WDR90: variants seen among roughly 807,000 people sequenced by gnomAD.
WDR90 encodes WD repeat-containing protein 90.
A neutral mutation model predicts 195.2 loss-of-function variants in WDR90; 238 were observed. That is an observed-to-expected ratio of 1.22 (90% confidence interval 1.10 to 1.36). The LOEUF is 1.36. Ranked by LOEUF, WDR90 falls within the 40% of genes most tolerant of loss-of-function variation. The pLI is 0.00. For synonymous variants in WDR90, 1,265 were observed against 1,052.4 expected (o/e 1.20, Z -3.91); for missense variants, 2,734 against 2,439.5 (o/e 1.12, Z -2.54).
intron 34 of WDR90, among the ~76,000 whole-genome samples, chr16:663,889 G>A (rs1483775600): frequency 6.6e-6 from 1 of 152,200 alleles, no homozygotes; most frequent in African/African-American, 2.4e-5. Flanking sequence ...AGCAGCTGTG[G>A]CCATGGGCTT....
chr16:660,995 T>TCCCCCCCCCCCCCCCCCCCC, intron 28 of WDR90, 56 bp from the exon 29 acceptor site: 1 of 10,290 alleles, frequency 9.7e-5, no homozygotes, highest in Non-Finnish European at 1.5e-4. Flanking sequence ...CCCAGGCCCC[T>TCCCCCCCCCCCCCCCCCCCC]CCCCGCCCCC....
intron 1 of WDR90, 157 bp from the exon 2 acceptor site, chr16:649,606 G>A: frequency 1.8e-6 from 2 of 1,129,784 alleles, no homozygotes; most frequent in Non-Finnish European, 2.3e-6. Context: ...TCCCTCGGGC[G>A]CCCGGCCTCG....
chr16:658,358 C>T lies in WDR90; in HGVS notation c.2766+14C>T, dbSNP rs2037807401. On this transcript the variant is annotated intron_variant, in intron 22 of 40. Transcript: ENST00000293879. ...ATCATCCGGGAGGTGAGCCTCAGGG[C>T]TGTGGCCCGCCGACCTGGCCCTCCC... 6 of 1,610,204 alleles carry T rather than the reference C, an allele frequency of 3.7e-6. No homozygotes were observed. The South Asian group carries it at 4.4e-5, about 12-fold the overall frequency.
At chr16:653,699 G>C in intron 12 of WDR90, 29 bp downstream of exon 12, 1 of 1,613,172 alleles carries the variant, frequency 6.2e-7, no homozygotes, top group South Asian at 1.1e-5. Context: ...CATGCAGGGG[G>C]AGGGGGTCAG....
In WDR90 at chr16:653,631, G is replaced by C; in HGVS notation, c.1340G>C (p.Cys447Ser). 6.2e-7 allele frequency: 1 copy of C among 1,613,548 alleles called. No individual in the cohort carries two copies. The highest frequency in any genetic ancestry group is 8.5e-7 in the Non-Finnish European group (1 of 1,180,010). Residue 447 changes from cysteine (C) to serine (S), a missense_variant, in exon 12 of 41, where the codon TGC (cysteine) becomes TCC (serine). Physicochemically the swap from Cys to Ser is moderately radical, Grantham distance 112 (BLOSUM62 -1). Transcript: ENST00000293879. The part of the protein sequence containing the change: ...LWDFQTGRCL[C>S]LFRSPMHVVC... ...GACTTCCAGACCGGGCGGTGCTTGT[G>C]CCTGTTCCGGAGCCCAATGCACGTT...
At chr16:652,785 T>C (rs886510902) in intron 10 of WDR90, among the ~76,000 whole-genome samples, 2 of 152,202 alleles carry the variant, frequency 1.3e-5, no homozygotes, top group Non-Finnish European at 2.9e-5. Context: ...TCTTACTCAC[T>C]GGCTGGGCTA....
intron 23 of WDR90, 104 bp downstream of exon 23, chr16:658,757 G>A (rs1318752424): frequency 1.7e-5 from 26 of 1,555,014 alleles, no homozygotes; most frequent in Non-Finnish European, 1.9e-5. Context: ...CAGAAGGTGA[G>A]GGGTGAGAGT....
rs1470061373 is a variant in WDR90, at chr16:667,517, T to G, written c.5175T>G (p.Phe1725Leu). The G allele has an allele frequency of 1.9e-6, 3 of 1,612,526 alleles. No homozygotes were observed. Among genetic ancestry groups the G allele is most frequent in the Non-Finnish European group, 2.5e-6 (3 of 1,180,000 alleles). Residue 1725 changes from phenylalanine (F) to leucine (L), a missense_variant, in exon 41 of 41, where the codon TTT becomes TTG. By Grantham distance (22) the Phe-to-Leu change is conservative. Transcript: ENST00000293879. ...ACAACGCAGTGCACCTGTGCAGGTT[T>G]ACACCGTCCGCCAGGCTGCTCTTCA... ...GHDNAVHLCR[F>L]TPSARLLFTA...
intron 26 of WDR90, 91 bp from the exon 27 acceptor site, chr16:659,967 C>A: frequency 1.0e-6 from 1 of 999,128 alleles, no homozygotes; most frequent in Non-Finnish European, 1.5e-6. Flanking sequence ...GTGTGGTAGA[C>A]CAGGGGCTTG....
intron 10 of WDR90, among the ~76,000 whole-genome samples, 164 bp from the exon 11 acceptor site, chr16:653,177 G>A (rs1299783861): frequency 1.3e-5 from 2 of 152,154 alleles, no homozygotes; most frequent in African/African-American, 4.8e-5. Context: ...GTGTGTGCAG[G>A]GTGTGTGTTC....
Position 661,704 on chromosome 16 carries a change from G to C in WDR90, c.3781G>C (p.Asp1261His). ...PVHGVAFNPW[D>H]AGELTCVGQG... is the part of the protein sequence containing the mutation. The stretch of plus-strand genomic sequence containing the variant: ...GCATGGTGTGGCCTTCAACCCCTGG[G>C]ACGCCGGCGAGCTCACCTGTGTGGG... Residue 1261 changes from aspartate to histidine, a missense_variant, in exon 31 of 41, where the codon GAC (aspartate) becomes CAC (histidine). Coordinates refer to ENST00000293879, the MANE Select transcript of WDR90 (RefSeq NM_145294.5). 1 of 1,612,514 alleles carries C rather than the reference G, an allele frequency of 6.2e-7. No homozygotes were observed. The highest frequency in any genetic ancestry group is 8.5e-7 in the Non-Finnish European group (1 of 1,179,850).
chr16:656,301 G>A lies in WDR90; in HGVS notation c.1967-1G>A. ...GGCCCCTGACCCCACCCCACCCACAGAGCACGAGGGCCCCGTCAGCTCAGT... is the reference window on the plus strand; with the variant it reads ...GGCCCCTGACCCCACCCCACCCACAAAGCACGAGGGCCCCGTCAGCTCAGT... On this transcript the variant is annotated splice_acceptor_variant, in intron 17 of 40. Transcript: ENST00000293879. LOFTEE classifies it high-confidence loss of function. The A allele has an allele frequency of 2.7e-6, 4 of 1,463,016 alleles. No individual in the cohort carries two copies. Among genetic ancestry groups the A allele is most frequent in the African/African-American group, 1.4e-5 (1 of 71,636 alleles). 90.6% of individuals were successfully genotyped at this position (1,463,016 alleles called of 1,614,324 possible). A position where few individuals can be genotyped will look rare whatever the true frequency, so the allele number is the denominator to read the frequency against.
At position 660,682 on chromosome 16, in the gene WDR90, G is replaced by C; in HGVS notation, c.3359G>C (p.Gly1120Ala). 1 of 1,579,906 alleles carries C rather than the reference G, an allele frequency of 6.3e-7. No individual in the cohort carries two copies. Among genetic ancestry groups the C allele is most frequent in the East Asian group, 2.3e-5 (1 of 42,584 alleles). Residue 1120 changes from glycine to alanine, a missense_variant, in exon 28 of 41, where the codon GGG (glycine) becomes GCG (alanine). Transcript: ENST00000293879. The part of the protein sequence containing the change: ...LKAVVGYSGN[G>A]RANMVWRPDT... ...GCTGTCGTCGGTTACAGCGGGAATG[G>C]GCGGGCCAACATGGTCTGGAGGCCG...
chr16:662,154 G>A (rs11248943), intron 32 of WDR90, 66 bp from the exon 33 acceptor site: 392,888 of 1,522,932 alleles, frequency 0.26, 58,259 homozygotes, highest in East Asian at 0.68. Context: ...TGGCGTCCGG[G>A]CAGCCTTGTG....
intron 23 of WDR90, 85 bp downstream of exon 23, chr16:658,738 C>T (rs974977220): frequency 8.3e-6 from 13 of 1,562,652 alleles, no homozygotes; most frequent in South Asian, 1.2e-5. Flanking sequence ...TGGGTGGGGG[C>T]AGGGAGAGCA....
chr16:664,204 C>G (rs147569940), intron 34 of WDR90, among the ~76,000 whole-genome samples: 1 of 151,810 alleles, frequency 6.6e-6, no homozygotes, highest in Non-Finnish European at 1.5e-5. Flanking sequence ...GAGGAAACCC[C>G]GTGCGTGCCT....
chr16:657,964 T>A (rs2151263106), intron 21 of WDR90, 72 bp downstream of exon 21: 1 of 1,477,842 alleles, frequency 6.8e-7, no homozygotes, highest in East Asian at 2.5e-5. Flanking sequence ...AGGAGGGAGG[T>A]CACGGCCACT....
intron 20 of WDR90, 99 bp downstream of exon 20, chr16:657,320 G>A (rs766574578): frequency 1.3e-5 from 19 of 1,435,480 alleles, no homozygotes; most frequent in Non-Finnish European, 1.6e-5. Context: ...GTTTCCTGGT[G>A]CACCGACTGG....
Position 649,700 on chromosome 16 carries a change from G to C in WDR90, c.11-63G>C, listed in dbSNP as rs577818981. ...TGCCTGGTCCCCGAGGCCCGGCCCA[G>C]CCCCGCAGTGGCCCCGGCTCGCGTG... is the stretch of plus-strand genomic sequence containing the variant. On this transcript the variant is annotated intron_variant, in intron 1 of 40. Transcript: ENST00000293879. The C allele has an allele frequency of 6.0e-4, 897 of 1,487,518 alleles. 3 individuals carry two copies. The African/African-American group carries it at 0.011, about 18-fold the overall frequency. The allele number at this position is 1,487,518 out of a possible 1,614,324, so 92.1% of individuals were successfully genotyped here.
Sources: gnomAD v4.1 joint callset for allele counts (sites outside exome capture counted in the v4.1 genomes callset) on GRCh38, gnomAD v4.1.1 for gene constraint, MANE v1.5 for transcripts, NCBI Gene and HGNC (gene_info 2026-07-23, HGNC 2026-07-21) for gene names.